The following ARPC3 variants were observed in gnomAD, a reference collection of about 807,000 sequenced individuals.
ARPC3 encodes the protein actin-related protein 2/3 complex subunit 3.
Under a neutral mutation model 27.6 loss-of-function variants are expected in ARPC3, and 12 were observed. The observed-to-expected ratio is 0.43, with a 90% CI of 0.28 to 0.70. The LOEUF is 0.70. Among genes scored for constraint, ARPC3 ranks in the 30% least tolerant of loss-of-function variants. ARPC3 has a pLI of 0.17. For missense variants in ARPC3, 153 were observed against 207.7 expected (o/e 0.74, Z 1.62); for synonymous variants, 53 against 67.2 (o/e 0.79, Z 1.03).
Position 110,438,654 on chromosome 12 carries a change from T to A in ARPC3, c.184-1502A>T, listed in dbSNP as rs1434905138. On this transcript the variant is annotated intron_variant, in intron 3 of 6. Coordinates refer to ENST00000228825, the MANE Select transcript of ARPC3 (RefSeq NM_001278556.2). ...AAACCACACCATTTTCCTATATATT[T>A]TTTTTTTTTTGAGTGTTTCACTTTT... is the stretch of plus-strand genomic sequence containing the variant. Among the ~76,000 whole-genome samples, 1,014 of 149,032 alleles carry A rather than the reference T, an allele frequency of 6.8e-3. 16 individuals carry two copies. The highest frequency in any genetic ancestry group is 0.024 in the African/African-American group (975 of 41,104).
At chr12:110,450,002 G>A (rs558955999) in intron 1 of ARPC3, among the ~76,000 whole-genome samples, 26 of 63,856 alleles carry the variant, frequency 4.1e-4, no homozygotes, top group African/African-American at 2.8e-3. Flanking sequence ...GGAAGGAGTA[G>A]ACGGAGAGAG....
At chr12:110,448,735 C>G (rs995691184) in intron 1 of ARPC3, among the ~76,000 whole-genome samples, 1 of 148,210 alleles carries the variant, frequency 6.7e-6, no homozygotes, top group East Asian at 2.0e-4. Context: ...CTCCGCCTTC[C>G]CTCTCACCAA....
chr12:110,448,783 G>T (rs1234520027), intron 1 of ARPC3, among the ~76,000 whole-genome samples: 4 of 109,468 alleles, frequency 3.7e-5, no homozygotes, highest in Admixed American at 1.6e-4. Flanking sequence ...TTTTCCGGGG[G>T]GGGGGGGGGT....
chr12:110,449,338 G>T (rs533285664), intron 1 of ARPC3, among the ~76,000 whole-genome samples: 2 of 151,800 alleles, frequency 1.3e-5, no homozygotes, highest in South Asian at 4.2e-4. Flanking sequence ...CGAGGGGGCG[G>T]ATCACCTGAG....
At chr12:110,437,315 C>A in intron 3 of ARPC3, 163 bp from the exon 4 acceptor site, 1 of 628,388 alleles carries the variant, frequency 1.6e-6, no homozygotes, top group Admixed American at 2.4e-5. Context: ...TCTCCTCAGT[C>A]TCCTTTTCCG....
chr12:110,447,721 C>A (rs1295111719), intron 1 of ARPC3, among the ~76,000 whole-genome samples: 1 of 151,864 alleles, frequency 6.6e-6, no homozygotes, highest in South Asian at 2.1e-4. Context: ...TGCAGTGAGC[C>A]GAGATGGCAC....
chr12:110,445,700 C>T (rs2062460879), intron 1 of ARPC3, 149 bp from the exon 2 acceptor site: 1 of 675,892 alleles, frequency 1.5e-6, no homozygotes, highest in Non-Finnish European at 2.7e-6. Context: ...GGTGCGAGGG[C>T]TGGTTCTTTC....
chr12:110,445,237 G>C (rs1233743665), intron 2 of ARPC3: 2 of 536,498 alleles, frequency 3.7e-6, no homozygotes, highest in Non-Finnish European at 3.3e-6. Flanking sequence ...TTTCTCAAAA[G>C]AGTTTCCTGG....
chr12:110,449,604 G>A (rs140951587), intron 1 of ARPC3, among the ~76,000 whole-genome samples: 2 of 152,064 alleles, frequency 1.3e-5, no homozygotes, highest in Non-Finnish European at 2.9e-5. Context: ...CATAATAACT[G>A]AACCACCTTT....
rs1340349383 is a variant in ARPC3, at chr12:110,435,223, A to G, written c.475-6T>C. ...TTCACAAAGCAAGTCCACCACTAAC[A>G]AGAGAGAACAACACAGAATGAACAG... On this transcript the variant is annotated splice_polypyrimidine_tract_variant and splice_region_variant and intron_variant, in intron 6 of 6. Transcript: ENST00000228825. 2 of 1,610,162 alleles carry G rather than the reference A, an allele frequency of 1.2e-6. No individual in the cohort carries two copies. Among genetic ancestry groups the G allele is most frequent in the Non-Finnish European group, 1.7e-6 (2 of 1,176,418 alleles).
chr12:110,442,703 A>C (rs2062444669), intron 2 of ARPC3: 1 of 151,994 alleles, frequency 6.6e-6, no homozygotes, highest in South Asian at 2.1e-4. Context: ...TCAGAAAAAA[A>C]CTCAATTATT....
Position 110,435,222 on chromosome 12 carries a change from CAA to C in ARPC3, c.475-7_475-6del. 6.2e-7 allele frequency: 1 copy of C among 1,609,630 alleles called. No individual in the cohort carries two copies. The highest frequency in any genetic ancestry group is 2.2e-5 in the East Asian group (1 of 44,860). On this transcript the variant is annotated splice_region_variant and splice_polypyrimidine_tract_variant and intron_variant, in intron 6 of 6. Transcript: ENST00000228825. The stretch of plus-strand genomic sequence containing the variant: ...CTTCACAAAGCAAGTCCACCACTAA[CAA>C]GAGAGAACAACACAGAATGAACAGC...
chr12:110,443,622 A>G (rs1432996056), intron 2 of ARPC3, among the ~76,000 whole-genome samples: 3 of 151,840 alleles, frequency 2.0e-5, no homozygotes, highest in Non-Finnish European at 2.9e-5. Context: ...TGGTAGAGAC[A>G]GAGTTTCACC....
chr12:110,437,205 G>T, intron 3 of ARPC3, 53 bp from the exon 4 acceptor site: 1 of 1,210,656 alleles, frequency 8.3e-7, no homozygotes, highest in Non-Finnish European at 1.2e-6. Flanking sequence ...TAACAATGAT[G>T]TGCAATGTAT....
intron 6 of ARPC3, 36 bp downstream of exon 6, chr12:110,436,074 G>T (rs1009482316): frequency 1.4e-5 from 21 of 1,501,220 alleles, no homozygotes; most frequent in Non-Finnish European, 1.9e-5. Flanking sequence ...GATAAAAGGT[G>T]ATTTACCAAT....
intron 5 of ARPC3, 49 bp downstream of exon 5, chr12:110,436,508 G>A (rs759459517): frequency 6.2e-7 from 1 of 1,611,394 alleles, no homozygotes; most frequent in Non-Finnish European, 8.5e-7. Flanking sequence ...GAAGTCAAAT[G>A]GAGAAAATCT....
At chr12:110,442,405 C>A (rs1337455568) in intron 2 of ARPC3, among the ~76,000 whole-genome samples, 1 of 151,928 alleles carries the variant, frequency 6.6e-6, no homozygotes, top group African/African-American at 2.4e-5. Context: ...GTCAGGAGTT[C>A]GAGACCAGCC....
chr12:110,446,171 T>G (rs540896082), intron 1 of ARPC3, among the ~76,000 whole-genome samples: 1 of 151,906 alleles, frequency 6.6e-6, no homozygotes, highest in Non-Finnish European at 1.5e-5. Flanking sequence ...TTTTTTTTTT[T>G]TGAGAAGGAG....
chr12:110,439,477 A>G (rs1402010595), intron 3 of ARPC3, among the ~76,000 whole-genome samples: 1 of 152,216 alleles, frequency 6.6e-6, no homozygotes, highest in Non-Finnish European at 1.5e-5. Context: ...AAGAGTCTAC[A>G]AATAAATAAT....
Sources: gnomAD v4.1 joint callset for allele counts (sites outside exome capture counted in the v4.1 genomes callset) on GRCh38, gnomAD v4.1.1 for gene constraint, MANE v1.5 for transcripts, NCBI Gene and HGNC (gene_info 2026-07-23, HGNC 2026-07-21) for gene names.